MACROD2: variants seen among roughly 807,000 people sequenced by gnomAD.
MACROD2 encodes ADP-ribose glycohydrolase MACROD2.
Under a neutral mutation model 70.4 loss-of-function variants are expected in MACROD2, and 36 were observed. That is an observed-to-expected ratio of 0.51 (90% CI 0.39 to 0.68). The LOEUF (loss-of-function observed/expected upper bound fraction) is 0.68, where lower values mean the gene tolerates loss of function less well. Ranked by LOEUF, MACROD2 falls within the 30% of genes least tolerant of loss-of-function variation. MACROD2 has a pLI of 0.00. For synonymous variants in MACROD2, 172 were observed against 178.8 expected (o/e 0.96, Z 0.30); for missense variants, 496 against 538.4 (o/e 0.92, Z 0.78).
At chr20:14,515,467 A>ACACACACG (rs1555798351) in intron 4 of MACROD2, among the ~76,000 whole-genome samples, 1 of 114,130 alleles carries the variant, frequency 8.8e-6, no homozygotes, top group Non-Finnish European at 2.0e-5. Flanking sequence ...ACACACACGC[A>ACACACACG]CACACACACA....
chr20:16,029,408 C>A (rs1217212448), intron 15 of MACROD2, among the ~76,000 whole-genome samples: 1 of 152,192 alleles, frequency 6.6e-6, no homozygotes, highest in African/African-American at 2.4e-5. Context: ...AACACCTGAT[C>A]TTGGGTGAAA....
chr20:15,548,782 C>T (rs1168214505), intron 8 of MACROD2, among the ~76,000 whole-genome samples: 3 of 152,154 alleles, frequency 2.0e-5, no homozygotes, highest in East Asian at 1.9e-4. Flanking sequence ...ATCCTTGGTT[C>T]TCATGAGTTA....
At chr20:14,946,722 A>T (rs1324395) in intron 5 of MACROD2, among the ~76,000 whole-genome samples, 24,858 of 152,166 alleles carry the variant, frequency 0.16, 2,385 homozygotes, top group Non-Finnish European at 0.22. Context: ...TTTAGAGAAA[A>T]GAACACAGGT....
At chr20:14,602,421 C>G (rs147336078) in intron 4 of MACROD2, among the ~76,000 whole-genome samples, 1 of 152,168 alleles carries the variant, frequency 6.6e-6, no homozygotes, top group Non-Finnish European at 1.5e-5. Context: ...CCCGGTGGGT[C>G]GGAACCTCTG....
Position 14,861,393 on chromosome 20 carries a change from CTT to C in MACROD2, c.418+176441_418+176442del, listed in dbSNP as rs951239148. Among the ~76,000 whole-genome samples the C allele has an allele frequency of 3.3e-5, 5 of 151,876 alleles. No individual in the cohort carries two copies. The East Asian group carries it at 9.6e-4, about 29-fold the overall frequency. On this transcript the variant is annotated intron_variant, in intron 5 of 17. Coordinates refer to ENST00000684519, the MANE Select transcript of MACROD2 (RefSeq NM_001351661.2). The stretch of plus-strand genomic sequence containing the variant: ...CGTCCTAGAGATTTTGACGTAATGA[CTT>C]TTTTTTGTGGTCATCAAGACACAGT...
chr20:15,394,233 A>G (rs1474944240), intron 6 of MACROD2, among the ~76,000 whole-genome samples: 1 of 152,330 alleles, frequency 6.6e-6, no homozygotes, highest in East Asian at 1.9e-4. Flanking sequence ...ATGAAAAAAC[A>G]TTTTCTGTCT....
chr20:14,622,022 A>G (rs1568704296), intron 4 of MACROD2: 1 of 152,170 alleles, frequency 6.6e-6, no homozygotes, highest in East Asian at 1.9e-4. Flanking sequence ...AGGCTCTGGA[A>G]GAGCTCAAAG....
chr20:15,358,456 A>C (rs905565513), intron 6 of MACROD2, among the ~76,000 whole-genome samples: 1 of 151,642 alleles, frequency 6.6e-6, no homozygotes, highest in Middle Eastern at 3.2e-3. Context: ...TTTTTTTTTA[A>C]GTTTTTAACG....
At chr20:15,664,011 C>A (rs1018174531) in intron 8 of MACROD2, among the ~76,000 whole-genome samples, 4 of 152,168 alleles carry the variant, frequency 2.6e-5, no homozygotes, top group African/African-American at 9.7e-5. Context: ...TCACAGTCTG[C>A]AATGAGAAAC....
Position 15,383,063 on chromosome 20 carries a change from G to A in MACROD2, c.541-48342G>A, listed in dbSNP as rs192888853. 1.4e-3 allele frequency among the ~76,000 whole-genome samples: 219 copies of A among 152,238 alleles called. 1 individual carries two copies. The highest frequency in any genetic ancestry group is 3.4e-3 in the Middle Eastern group (1 of 294). On this transcript the variant is annotated intron_variant, in intron 6 of 17. Transcript: ENST00000684519. ...TATGAAATCCTTCGTCTAAAATGAC[G>A]AATCTGAAAATTCCAGAAGGTAGGA...
intron 8 of MACROD2, among the ~76,000 whole-genome samples, chr20:15,842,712 G>GGATGGATAGATAGATAGATA (rs1555786006): frequency 7.1e-6 from 1 of 141,584 alleles, no homozygotes; most frequent in African/African-American, 2.7e-5. Flanking sequence ...GTGGGTGGAT[G>GGATGGATAGATAGATAGATA]GATAGATAGA....
intron 5 of MACROD2, among the ~76,000 whole-genome samples, chr20:14,971,045 C>G (rs1419770153): frequency 1.7e-4 from 26 of 152,144 alleles, no homozygotes; most frequent in Non-Finnish European, 3.2e-4. Flanking sequence ...TGCTCAAGTC[C>G]CTTTTATAAA....
intron 10 of MACROD2, among the ~76,000 whole-genome samples, chr20:15,925,861 C>A (rs559019806): frequency 1.1e-4 from 16 of 152,312 alleles, no homozygotes; most frequent in African/African-American, 3.8e-4. Flanking sequence ...ATAGGGCTGA[C>A]ACGATTGTCT....
chr20:14,085,042 T>TGGGGGGGGGGGGGGGGGGGGGG (rs2054059654), intron 2 of MACROD2, among the ~76,000 whole-genome samples: 1 of 10,112 alleles, frequency 9.9e-5, no homozygotes, highest in Non-Finnish European at 2.2e-4. Flanking sequence ...GGGGGGGTGG[T>TGGGGGGGGGGGGGGGGGGGGGG]GGGGGAGAGG....
intron 5 of MACROD2, among the ~76,000 whole-genome samples, chr20:15,227,775 C>T (rs915636187): frequency 6.8e-6 from 1 of 146,358 alleles, no homozygotes; most frequent in African/African-American, 2.6e-5. Flanking sequence ...ATTTTAAATG[C>T]CCACTGAAGT....
chr20:14,295,865 C>T (rs754215919), intron 3 of MACROD2, among the ~76,000 whole-genome samples: 2 of 151,778 alleles, frequency 1.3e-5, no homozygotes, highest in Non-Finnish European at 2.9e-5. Context: ...CATTAGCTTT[C>T]AATATTCAAG....
At chr20:15,669,867 C>A (rs2146834177) in intron 8 of MACROD2, among the ~76,000 whole-genome samples, 1 of 152,308 alleles carries the variant, frequency 6.6e-6, no homozygotes, top group African/African-American at 2.4e-5. Flanking sequence ...GTGCTACCAA[C>A]AACTAGCTTT....
chr20:15,706,668 A>G (rs1192964010), intron 8 of MACROD2, among the ~76,000 whole-genome samples: 6 of 152,220 alleles, frequency 3.9e-5, no homozygotes, highest in African/African-American at 9.6e-5. Context: ...AAAAGTTCAA[A>G]TAACTTTCTA....
At chr20:15,751,118 G>T (rs1274484344) in intron 8 of MACROD2, among the ~76,000 whole-genome samples, 3 of 151,898 alleles carry the variant, frequency 2.0e-5, no homozygotes, top group African/African-American at 7.2e-5. Context: ...TTACAAAATA[G>T]CAAGAAGATA....
Sources: gnomAD v4.1 joint callset for allele counts (sites outside exome capture counted in the v4.1 genomes callset) on GRCh38, gnomAD v4.1.1 for gene constraint, MANE v1.5 for transcripts, NCBI Gene and HGNC (gene_info 2026-07-23, HGNC 2026-07-21) for gene names.